The following FSTL5 variants were observed in gnomAD, a reference collection of about 807,000 sequenced individuals.
FSTL5 encodes the protein follistatin like 5.
Under a neutral mutation model 89.1 loss-of-function variants are expected in FSTL5, and 62 were observed. That is an observed-to-expected ratio of 0.70 (90% CI 0.57 to 0.86). The LOEUF is 0.86. FSTL5 is among the 40% of genes least tolerant of loss of function. The probability of loss-of-function intolerance (pLI) is 0.00; values close to 1 mark genes in which losing one functional copy is unlikely to be tolerated. For missense variants in FSTL5, 1,057 were observed against 1,001.6 expected (o/e 1.06, Z -0.75); for synonymous variants, 383 against 346.2 (o/e 1.11, Z -1.18).
At chr4:161,527,154 T>A (rs1731250758) in intron 10 of FSTL5, among the ~76,000 whole-genome samples, 1 of 152,210 alleles carries the variant, frequency 6.6e-6, no homozygotes, top group Admixed American at 6.5e-5. Flanking sequence ...AAGAGGTCCT[T>A]CACGTCCCTT....
At chr4:161,497,097 T>C (rs1441600919) in intron 12 of FSTL5, among the ~76,000 whole-genome samples, 1 of 152,192 alleles carries the variant, frequency 6.6e-6, no homozygotes, top group Non-Finnish European at 1.5e-5. Flanking sequence ...TACCTTCATG[T>C]AAAAATTATT....
intron 3 of FSTL5, among the ~76,000 whole-genome samples, chr4:161,963,598 T>C (rs952923272): frequency 6.6e-6 from 1 of 152,022 alleles, no homozygotes; most frequent in African/African-American, 2.4e-5. Context: ...TGTATGCTTC[T>C]ATGTACTCTT....
chr4:161,602,581 G>A (rs1417991496), intron 7 of FSTL5, among the ~76,000 whole-genome samples: 1 of 152,054 alleles, frequency 6.6e-6, no homozygotes, highest in Non-Finnish European at 1.5e-5. Context: ...TAAAAAGCCA[G>A]AAATGTATTT....
At chr4:161,621,949 A>T (rs12648084) in intron 7 of FSTL5, among the ~76,000 whole-genome samples, 29,179 of 151,878 alleles carry the variant, frequency 0.19, 2,970 homozygotes, top group East Asian at 0.35. Flanking sequence ...GTGAGCCAAG[A>T]TCGCACCACT....
At chr4:161,948,155 C>A (rs1395220794) in intron 3 of FSTL5, among the ~76,000 whole-genome samples, 1 of 151,360 alleles carries the variant, frequency 6.6e-6, no homozygotes, top group Non-Finnish European at 1.5e-5. Flanking sequence ...TAGTTGTGTG[C>A]ACTTATAGTC....
intron 7 of FSTL5, among the ~76,000 whole-genome samples, chr4:161,630,171 T>C (rs1418279819): frequency 6.6e-6 from 1 of 152,222 alleles, no homozygotes; most frequent in Non-Finnish European, 1.5e-5. Context: ...GGGACCCTTC[T>C]GTTCAGCTTC....
At chr4:161,593,704 C>T (rs10003379) in intron 7 of FSTL5, among the ~76,000 whole-genome samples, 5 of 151,774 alleles carry the variant, frequency 3.3e-5, no homozygotes, top group African/African-American at 1.2e-4. Context: ...ATATTATATA[C>T]GATCAATCAT....
intron 8 of FSTL5, among the ~76,000 whole-genome samples, chr4:161,586,767 T>A (rs1733631661): frequency 6.6e-6 from 1 of 152,194 alleles, no homozygotes; most frequent in South Asian, 2.1e-4. Flanking sequence ...GCTCATTATC[T>A]GCCACTCTCC....
intron 6 of FSTL5, among the ~76,000 whole-genome samples, chr4:161,689,516 C>T (rs978062798): frequency 6.6e-6 from 1 of 152,034 alleles, no homozygotes; most frequent in African/African-American, 2.4e-5. Flanking sequence ...CATTAAAATG[C>T]ATTTTAAATT....
intron 8 of FSTL5, among the ~76,000 whole-genome samples, chr4:161,570,361 T>C (rs540318031): frequency 6.6e-6 from 1 of 152,316 alleles, no homozygotes. Flanking sequence ...AACAGCCAAG[T>C]GTAAATGTTT....
At chr4:161,433,118 T>TA (rs55646334) in intron 15 of FSTL5, among the ~76,000 whole-genome samples, 194 of 146,780 alleles carry the variant, frequency 1.3e-3, no homozygotes, top group Non-Finnish European at 1.8e-3. Context: ...AAAGACACAT[T>TA]AAAAAAAAAA....
intron 9 of FSTL5, among the ~76,000 whole-genome samples, chr4:161,539,316 G>T (rs969251717): frequency 2.0e-5 from 3 of 151,962 alleles, no homozygotes; most frequent in African/African-American, 7.3e-5. Context: ...AATCAGTGTG[G>T]TTTGGGAAAA....
At chr4:162,046,134 G>T (rs113222324) in intron 2 of FSTL5, among the ~76,000 whole-genome samples, 1 of 151,966 alleles carries the variant, frequency 6.6e-6, no homozygotes, top group Admixed American at 6.6e-5. Context: ...ATTGGAACAC[G>T]GGTTTTTTTA....
chr4:161,762,153 G>C (rs974556149), intron 5 of FSTL5, among the ~76,000 whole-genome samples: 2 of 151,916 alleles, frequency 1.3e-5, no homozygotes, highest in African/African-American at 4.8e-5. Flanking sequence ...ATTTTTGTTT[G>C]TTTGTTTTTG....
At chr4:161,518,628 A>G (rs1312463149) in intron 10 of FSTL5, among the ~76,000 whole-genome samples, 1 of 152,208 alleles carries the variant, frequency 6.6e-6, no homozygotes, top group African/African-American at 2.4e-5. Flanking sequence ...TGACAATCAA[A>G]TTAGTCTCAT....
chr4:162,063,224 T>C (rs118122742), intron 2 of FSTL5, among the ~76,000 whole-genome samples: 2 of 151,884 alleles, frequency 1.3e-5, no homozygotes, highest in Non-Finnish European at 2.9e-5. Context: ...TTCTCATCTG[T>C]GAAATTCTAA....
At chr4:161,601,549 A>G (rs1578958065) in intron 7 of FSTL5, among the ~76,000 whole-genome samples, 1 of 151,810 alleles carries the variant, frequency 6.6e-6, no homozygotes, top group Non-Finnish European at 1.5e-5. Flanking sequence ...AATGTATAAT[A>G]CCCCCTTGTC....
chr4:161,767,684 G>A (rs984547967), intron 5 of FSTL5, among the ~76,000 whole-genome samples: 1 of 152,128 alleles, frequency 6.6e-6, no homozygotes, highest in African/African-American at 2.4e-5. Flanking sequence ...AAATGGAATA[G>A]CAAGTATTTT....
chr4:162,088,958 A>G lies in FSTL5; in HGVS notation c.126+22313T>C, dbSNP rs546535530. On this transcript the variant is annotated intron_variant, in intron 2 of 15. Coordinates refer to ENST00000306100, the MANE Select transcript of FSTL5 (RefSeq NM_020116.5). ...GTGTAGGATACTTGATCCCCAATGC[A>G]TCAGTGTTGGAAGGTGGGATCCAAG... 1.6e-4 allele frequency among the ~76,000 whole-genome samples: 24 copies of G among 152,308 alleles called. No homozygotes were observed. In the South Asian group the frequency reaches 4.2e-3, roughly 26 times the overall value.
Sources: gnomAD v4.1 joint callset for allele counts (sites outside exome capture counted in the v4.1 genomes callset) on GRCh38, gnomAD v4.1.1 for gene constraint, MANE v1.5 for transcripts, NCBI Gene and HGNC (gene_info 2026-07-23, HGNC 2026-07-21) for gene names.